The following NOS1AP variants were observed in gnomAD, a reference collection of about 807,000 sequenced individuals.
NOS1AP encodes carboxyl-terminal PDZ ligand of neuronal nitric oxide synthase protein.
A neutral mutation model predicts 56.2 loss-of-function variants in NOS1AP; 21 were observed. That is an observed-to-expected ratio of 0.37 (90% confidence interval 0.26 to 0.54). The LOEUF (loss-of-function observed/expected upper bound fraction) is 0.54, where lower values mean the gene tolerates loss of function less well. Ranked by LOEUF, NOS1AP falls within the 20% of genes least tolerant of loss-of-function variation. The probability of loss-of-function intolerance (pLI) is 0.84; values close to 1 mark genes in which losing one functional copy is unlikely to be tolerated. For missense variants in NOS1AP, 522 were observed against 657.8 expected (o/e 0.79, Z 2.26); for synonymous variants, 270 against 274.6 (o/e 0.98, Z 0.17).
intron 4 of NOS1AP, among the ~76,000 whole-genome samples, chr1:162,311,293 C>T (rs952149112): frequency 5.9e-5 from 9 of 152,132 alleles, no homozygotes; most frequent in Admixed American, 3.9e-4. Context: ...TGTTTTTTGC[C>T]TCCTTCTCTT....
chr1:162,266,221 G>A (rs1379789543), intron 2 of NOS1AP, among the ~76,000 whole-genome samples: 14 of 152,170 alleles, frequency 9.2e-5, no homozygotes, highest in Admixed American at 9.2e-4. Flanking sequence ...AGTGTGTATT[G>A]GGAGATTACA....
chr1:162,151,075 T>G (rs1285280178), intron 1 of NOS1AP, among the ~76,000 whole-genome samples: 1 of 152,252 alleles, frequency 6.6e-6, no homozygotes, highest in Non-Finnish European at 1.5e-5. Context: ...CATTTTCTTT[T>G]AACAGTTTCA....
chr1:162,357,040 G>A lies in NOS1AP; in HGVS notation c.843G>A (p.Leu281=). 1 of 1,613,714 alleles carries A rather than the reference G, an allele frequency of 6.2e-7. No homozygotes were observed. Among genetic ancestry groups the A allele is most frequent in the Non-Finnish European group, 8.5e-7 (1 of 1,180,032 alleles). The change falls in exon 8 of 10, where the codon CTG becomes CTA. Residue 281 remains leucine (L), a synonymous_variant. Transcript: ENST00000361897. ...CTTCTTCCTCGAAGCCTCCAGGCCT[G>A]GGCACAGAGACACCGCTGTCCACTC... ...LPSSSSKPPG[L]GTETPLSTHH... is the part of the protein sequence containing the mutation.
At chr1:162,334,859 C>G (rs568043148) in intron 5 of NOS1AP, among the ~76,000 whole-genome samples, 32 of 152,278 alleles carry the variant, frequency 2.1e-4, no homozygotes, top group Non-Finnish European at 3.8e-4. Context: ...AATGACTTGC[C>G]TGAGTTCTCA....
intron 1 of NOS1AP, among the ~76,000 whole-genome samples, chr1:162,142,754 C>T (rs1019309709): frequency 6.6e-6 from 1 of 152,150 alleles, no homozygotes; most frequent in East Asian, 1.9e-4. Flanking sequence ...TAATAGTAGT[C>T]TGGAGCCATT....
chr1:162,325,528 A>C (rs1236839150), intron 4 of NOS1AP, among the ~76,000 whole-genome samples: 1 of 152,118 alleles, frequency 6.6e-6, no homozygotes, highest in African/African-American at 2.4e-5. Flanking sequence ...CCCTCTAAGG[A>C]TAACACATTG....
chr1:162,250,070 A>C lies in NOS1AP; in HGVS notation c.178-37274A>C, dbSNP rs546989219. 4.6e-5 allele frequency among the ~76,000 whole-genome samples: 7 copies of C among 152,318 alleles called. No homozygotes were observed. In the South Asian group the frequency reaches 1.4e-3, roughly 32 times the overall value. On this transcript the variant is annotated intron_variant, in intron 2 of 9. Transcript: ENST00000361897. ...TCTGTTCCCTTGTTCTGACTCTCAG[A>C]GCACTGCCTAGAGTCAGTCCTAGAC...
In NOS1AP at chr1:162,335,567, T is replaced by C. The variant is rs986144789; in HGVS notation, c.453+2442T>C. Among the ~76,000 whole-genome samples the C allele has an allele frequency of 2.0e-5, 3 of 152,162 alleles. No individual in the cohort carries two copies. In the South Asian group the frequency reaches 6.2e-4, roughly 32 times the overall value. On this transcript the variant is annotated intron_variant, in intron 5 of 9. Transcript: ENST00000361897. Reference sequence around the variant, plus strand: ...AATCATAGGAATGCTTCAGAAGTGGTGGGCGGGGGGAAAGGACTATAGAGG... The same window carrying C: ...AATCATAGGAATGCTTCAGAAGTGGCGGGCGGGGGGAAAGGACTATAGAGG...
At chr1:162,172,929 G>GTT (rs35870777) in intron 2 of NOS1AP, among the ~76,000 whole-genome samples, 69,546 of 149,406 alleles carry the variant, frequency 0.47, 18,483 homozygotes, top group Non-Finnish European at 0.61. Flanking sequence ...TCAATAGGAG[G>GTT]TTTTTTTTTT....
chr1:162,267,340 G>T (rs1403871521), intron 2 of NOS1AP, among the ~76,000 whole-genome samples: 1 of 152,150 alleles, frequency 6.6e-6, no homozygotes, highest in Non-Finnish European at 1.5e-5. Context: ...TTAGGGAATG[G>T]TTGTTAAACC....
chr1:162,359,707 G>T (rs1657825341), intron 8 of NOS1AP, among the ~76,000 whole-genome samples: 2 of 145,688 alleles, frequency 1.4e-5, no homozygotes, highest in South Asian at 4.2e-4. Context: ...TAGCAAGCTT[G>T]GTTTCTCTAC....
intron 1 of NOS1AP, among the ~76,000 whole-genome samples, chr1:162,080,084 C>CTT (rs1691851495): frequency 6.6e-6 from 1 of 152,174 alleles, no homozygotes; most frequent in African/African-American, 2.4e-5. Context: ...ATAAATATTT[C>CTT]TTTAAGCAGA....
intron 5 of NOS1AP, among the ~76,000 whole-genome samples, chr1:162,336,857 G>A (rs763655845): frequency 2.0e-5 from 3 of 152,200 alleles, no homozygotes; most frequent in Non-Finnish European, 4.4e-5. Flanking sequence ...CTGTGACTGG[G>A]AAGGATTGTC....
chr1:162,084,117 A>G (rs146616531), intron 1 of NOS1AP, among the ~76,000 whole-genome samples: 1 of 152,230 alleles, frequency 6.6e-6, no homozygotes, highest in East Asian at 1.9e-4. Flanking sequence ...CATTCTTAGG[A>G]CTGCTTTAAG....
chr1:162,126,364 G>C (rs149439015), intron 1 of NOS1AP, among the ~76,000 whole-genome samples: 34 of 152,230 alleles, frequency 2.2e-4, no homozygotes, highest in African/African-American at 7.2e-4. Flanking sequence ...GTGTTTGCCT[G>C]ATATTTTCTC....
At chr1:162,331,073 G>A (rs1656752265) in intron 4 of NOS1AP, among the ~76,000 whole-genome samples, 1 of 152,182 alleles carries the variant, frequency 6.6e-6, no homozygotes, top group Non-Finnish European at 1.5e-5. Flanking sequence ...GAGATGTCCA[G>A]GAAGGTTGGC....
At chr1:162,140,622 C>A (rs1355774895) in intron 1 of NOS1AP, among the ~76,000 whole-genome samples, 2 of 152,104 alleles carry the variant, frequency 1.3e-5, no homozygotes, top group African/African-American at 2.4e-5. Context: ...GTGCATATAT[C>A]TTTTTTGGTA....
chr1:162,196,894 T>C (rs764141184), intron 2 of NOS1AP, among the ~76,000 whole-genome samples: 9 of 152,150 alleles, frequency 5.9e-5, no homozygotes, highest in Non-Finnish European at 8.8e-5. Context: ...CCCGCTATGG[T>C]TTTTGTCCCT....
At chr1:162,277,365 T>C (rs955673631) in intron 2 of NOS1AP, among the ~76,000 whole-genome samples, 12 of 152,178 alleles carry the variant, frequency 7.9e-5, no homozygotes, top group Middle Eastern at 3.2e-3. Flanking sequence ...TCCTCCTCCT[T>C]CTCAAATAGT....
Sources: allele counts gnomAD v4.1 joint callset (sites outside exome capture counted in the v4.1 genomes callset), GRCh38; gene constraint gnomAD v4.1.1; transcripts MANE v1.5; gene names NCBI Gene and HGNC (gene_info 2026-07-23, HGNC 2026-07-21).